EYS: variants seen among roughly 807,000 people sequenced by gnomAD.
EYS encodes EGF-like photoreceptor maintenance factor.
EYS carries 250 observed loss-of-function variants against 282.1 expected under a neutral mutation model. The observed-to-expected ratio is 0.89, with a 90% CI of 0.80 to 0.98. The LOEUF (loss-of-function observed/expected upper bound fraction) is 0.98. EYS is among the 50% of genes least tolerant of loss of function. The pLI, the probability that EYS is intolerant of heterozygous loss-of-function variation, is 0.00. For synonymous variants in EYS, 1,355 were observed against 1,282.9 expected, an observed-to-expected ratio of 1.06 and a Z score of -1.20; for missense variants, 4,016 against 3,709.0, an observed-to-expected ratio of 1.08 and a Z score of -2.15.
chr6:64,198,138 G>A (rs761626867), intron 31 of EYS, among the ~76,000 whole-genome samples: 2 of 150,318 alleles, frequency 1.3e-5, no homozygotes, highest in Non-Finnish European at 3.0e-5. Flanking sequence ...GACTACAGGC[G>A]CCCGCCACCA....
chr6:63,822,593 A>C (rs1435091340), intron 36 of EYS: 1 of 152,262 alleles, frequency 6.6e-6, no homozygotes, highest in African/African-American at 2.4e-5. Flanking sequence ...AAGACAAAGT[A>C]AAGTTGTTTT....
At chr6:64,511,410 G>A (rs1777398979) in intron 26 of EYS, among the ~76,000 whole-genome samples, 1 of 151,906 alleles carries the variant, frequency 6.6e-6, no homozygotes, top group African/African-American at 2.4e-5. Flanking sequence ...GAAATCGCAA[G>A]ATGATTTAGG....
chr6:65,123,652 T>C (rs1441237820), intron 12 of EYS, among the ~76,000 whole-genome samples: 1 of 151,972 alleles, frequency 6.6e-6, no homozygotes, highest in Non-Finnish European at 1.5e-5. Context: ...TTACTTAATG[T>C]TATGTCTTTT....
At chr6:64,642,989 C>A (rs6935221) in intron 22 of EYS, among the ~76,000 whole-genome samples, 2,141 of 152,246 alleles carry the variant, frequency 0.014, 44 homozygotes, top group African/African-American at 0.05. Context: ...GTGGCACATG[C>A]CTCTAATCCC....
chr6:64,019,078 A>G (rs1769048331), intron 33 of EYS, among the ~76,000 whole-genome samples: 2 of 152,064 alleles, frequency 1.3e-5, no homozygotes, highest in African/African-American at 4.8e-5. Context: ...CCCGGCTCAC[A>G]AATGTTCTTA....
At chr6:64,499,007 T>C (rs1323489290) in intron 26 of EYS, among the ~76,000 whole-genome samples, 3 of 152,156 alleles carry the variant, frequency 2.0e-5, no homozygotes, top group Non-Finnish European at 4.4e-5. Context: ...AAATGGTATT[T>C]CTGGTTCTAG....
intron 12 of EYS, among the ~76,000 whole-genome samples, chr6:65,160,628 T>C (rs1388634294): frequency 1.3e-5 from 2 of 150,926 alleles, no homozygotes; most frequent in African/African-American, 4.8e-5. Flanking sequence ...TTTATCCTTA[T>C]ATTTCAATAT....
intron 18 of EYS, among the ~76,000 whole-genome samples, chr6:64,901,037 T>C (rs2150071091): frequency 8.2e-6 from 1 of 121,732 alleles, no homozygotes; most frequent in Admixed American, 8.7e-5. Context: ...GTGACACATA[T>C]ACACCATGAA....
intron 26 of EYS, among the ~76,000 whole-genome samples, chr6:64,559,093 T>G (rs1316015572): frequency 6.6e-6 from 1 of 152,212 alleles, no homozygotes; most frequent in East Asian, 1.9e-4. Flanking sequence ...TGACATGGTC[T>G]AATCTCCCTA....
In EYS at chr6:65,344,088, G is replaced by C. The variant is rs763331925; in HGVS notation, c.1549C>G (p.Pro517Ala). 6.2e-6 allele frequency: 10 copies of C among 1,610,530 alleles called. No homozygotes were observed. The African/African-American group carries it at 1.1e-4, about 17-fold the overall frequency. Residue 517 changes from proline to alanine, a missense_variant, in exon 10 of 43, where the codon CCT (proline) becomes GCT (alanine). Coordinates refer to ENST00000503581, the MANE Select transcript of EYS (RefSeq NM_001142800.2). ...CAACATGAAGAATTATTATCTTCAG[G>C]ATCGTTCACATAGGTTGCATCTTCA... ...CTEDATYVND[P>A]EDNNSSCWFP... is the part of the protein sequence containing the mutation.
chr6:63,880,335 A>G (rs910007731), intron 35 of EYS, among the ~76,000 whole-genome samples: 5 of 151,812 alleles, frequency 3.3e-5, no homozygotes, highest in African/African-American at 1.2e-4. Flanking sequence ...CAAACATCGG[A>G]CTCCAAGTTC....
At chr6:65,227,958 G>A (rs1766671811) in intron 12 of EYS, among the ~76,000 whole-genome samples, 1 of 152,066 alleles carries the variant, frequency 6.6e-6, no homozygotes, top group Admixed American at 6.6e-5. Context: ...GGGAGTTTCA[G>A]TTTGGGATGA....
At chr6:65,272,503 A>G (rs898055279) in intron 12 of EYS, among the ~76,000 whole-genome samples, 1 of 152,124 alleles carries the variant, frequency 6.6e-6, no homozygotes, top group South Asian at 2.1e-4. Context: ...ATTCTGCATC[A>G]ATCAGAATCT....
chr6:65,160,503 G>T (rs1371032016), intron 12 of EYS, among the ~76,000 whole-genome samples: 1 of 150,694 alleles, frequency 6.6e-6, no homozygotes, highest in Non-Finnish European at 1.5e-5. Flanking sequence ...TTTCAAAGTT[G>T]GGGGCACTTA....
intron 31 of EYS, among the ~76,000 whole-genome samples, chr6:64,128,280 CT>C (rs1224756718): frequency 1.3e-5 from 2 of 152,034 alleles, no homozygotes; most frequent in East Asian, 1.9e-4. Context: ...ATCATTGCCC[CT>C]AACTGCATCT....
chr6:64,018,367 G>A (rs563306233), intron 33 of EYS, among the ~76,000 whole-genome samples: 1 of 150,862 alleles, frequency 6.6e-6, no homozygotes, highest in Non-Finnish European at 1.5e-5. Context: ...GGGGTTTTTT[G>A]TTGTTGTTGT....
At chr6:65,366,380 T>C (rs1764913328) in intron 8 of EYS, among the ~76,000 whole-genome samples, 1 of 135,190 alleles carries the variant, frequency 7.4e-6, no homozygotes, top group African/African-American at 2.7e-5. Flanking sequence ...CTTGCTGCTT[T>C]TGGTTTTTCC....
At chr6:64,868,200 T>A (rs949125238) in intron 19 of EYS, among the ~76,000 whole-genome samples, 2 of 151,534 alleles carry the variant, frequency 1.3e-5, no homozygotes, top group Admixed American at 6.6e-5. Flanking sequence ...TATTTTTAAA[T>A]ACTTATTGAA....
chr6:64,407,119 TA>T (rs1277290251), intron 28 of EYS, among the ~76,000 whole-genome samples: 5 of 152,032 alleles, frequency 3.3e-5, no homozygotes, highest in African/African-American at 9.7e-5. Context: ...TATGCAGCCA[TA>T]AAAAAGGATG....
Sources: gnomAD v4.1 joint callset for allele counts (sites outside exome capture counted in the v4.1 genomes callset) on GRCh38, gnomAD v4.1.1 for gene constraint, MANE v1.5 for transcripts, NCBI Gene and HGNC (gene_info 2026-07-23, HGNC 2026-07-21) for gene names.